BCKDHB: variants seen among roughly 807,000 people sequenced by gnomAD.
BCKDHB encodes 2-oxoisovalerate dehydrogenase subunit beta, mitochondrial.
In BCKDHB, 41 loss-of-function variants were observed where a neutral mutation model predicts 48.5. That is an observed-to-expected ratio of 0.85 (90% confidence interval 0.66 to 1.10). The LOEUF is 1.10. BCKDHB is among the 50% of genes least tolerant of loss of function. The probability of loss-of-function intolerance (pLI) is 0.00; values close to 1 mark genes in which losing one functional copy is unlikely to be tolerated. For missense variants in BCKDHB, 496 were observed against 494.2 expected (o/e 1.00, Z -0.03); for synonymous variants, 201 against 174.8 (o/e 1.15, Z -1.18).
intron 8 of BCKDHB, among the ~76,000 whole-genome samples, chr6:80,205,951 C>T (rs1774637145): frequency 6.6e-6 from 1 of 151,832 alleles, no homozygotes; most frequent in Non-Finnish European, 1.5e-5. Context: ...TATTTGGTCT[C>T]AACCAGGTGT....
At chr6:80,428,459 A>T in the BCKDHB span, among the ~76,000 whole-genome samples, 2 of 152,102 alleles carry the variant, frequency 1.3e-5, no homozygotes, top group African/African-American at 4.8e-5. Context: ...TGTCTTCCAC[A>T]ATGGTTGAAC....
intron 3 of BCKDHB, among the ~76,000 whole-genome samples, chr6:80,139,478 G>A (rs1427221759): frequency 1.1e-4 from 17 of 151,380 alleles, no homozygotes; most frequent in Non-Finnish European, 2.4e-4. Context: ...ATTGATTTTT[G>A]TATAAGGTGT....
At chr6:80,176,037 T>C (rs1017319829) in intron 6 of BCKDHB, among the ~76,000 whole-genome samples, 2 of 152,180 alleles carry the variant, frequency 1.3e-5, no homozygotes, top group African/African-American at 4.8e-5. Context: ...AAACGTTGGC[T>C]GCTAGGAGAC....
At chr6:80,211,415 G>C (rs114599420) in intron 8 of BCKDHB, among the ~76,000 whole-genome samples, 1 of 152,134 alleles carries the variant, frequency 6.6e-6, no homozygotes, top group African/African-American at 2.4e-5. Context: ...GCTTGATCCT[G>C]CTGCAGACTA....
rs1254296089 is a variant in BCKDHB, at chr6:80,209,262, A to G, written c.951+6050A>G. On this transcript the variant is annotated intron_variant, in intron 8 of 9. Transcript: ENST00000320393. ...CTCTTGATATTAGGACTGTCTAGGG[A>G]AAAATTTCGTGATACGTATGTCAGA... 2.0e-5 allele frequency among the ~76,000 whole-genome samples: 3 copies of G among 151,906 alleles called. No individual in the cohort carries two copies. In the East Asian group the frequency reaches 5.8e-4, roughly 29 times the overall value.
chr6:80,184,707 G>A (rs769918408), intron 6 of BCKDHB, among the ~76,000 whole-genome samples: 17 of 151,996 alleles, frequency 1.1e-4, no homozygotes, highest in Admixed American at 3.3e-4. Context: ...TTAGTTTTGC[G>A]GCATACAAAA....
chr6:80,419,637 C>T, the BCKDHB span, among the ~76,000 whole-genome samples: 3 of 152,162 alleles, frequency 2.0e-5, no homozygotes, highest in African/African-American at 7.2e-5. Flanking sequence ...GCAGCCTCAA[C>T]CACCCCATCA....
chr6:80,278,258 A>G (rs578053327), intron 9 of BCKDHB, among the ~76,000 whole-genome samples: 24 of 152,306 alleles, frequency 1.6e-4, no homozygotes, highest in Non-Finnish European at 2.8e-4. Context: ...CTTCTGTACT[A>G]AAAGATGGAG....
intron 8 of BCKDHB, among the ~76,000 whole-genome samples, chr6:80,209,360 A>G (rs948900517): frequency 2.6e-5 from 4 of 151,954 alleles, no homozygotes; most frequent in Non-Finnish European, 4.4e-5. Flanking sequence ...ATAGCATGTT[A>G]GTGGATTGTA....
At chr6:80,243,892 C>G (rs1435429601) in intron 8 of BCKDHB, among the ~76,000 whole-genome samples, 10 of 152,028 alleles carry the variant, frequency 6.6e-5, no homozygotes, top group Admixed American at 6.6e-4. Flanking sequence ...AAGTGTAGAG[C>G]TTAGAATTGT....
intron 3 of BCKDHB, among the ~76,000 whole-genome samples, chr6:80,138,090 A>C (rs1770984132): frequency 6.6e-6 from 1 of 151,982 alleles, no homozygotes; most frequent in Non-Finnish European, 1.5e-5. Flanking sequence ...TCTAAAAAAA[A>C]TAGTGCAGCA....
At chr6:80,370,373 T>C in the BCKDHB span, among the ~76,000 whole-genome samples, 45 of 152,302 alleles carry the variant, frequency 3.0e-4, no homozygotes, top group East Asian at 8.1e-3. Flanking sequence ...TATTGGTAGA[T>C]GCTGCATGCT....
At chr6:80,109,002 A>C (rs1172035458) in intron 1 of BCKDHB, among the ~76,000 whole-genome samples, 3 of 152,244 alleles carry the variant, frequency 2.0e-5, no homozygotes, top group African/African-American at 7.2e-5. Flanking sequence ...CAACTTATTT[A>C]GTCGGAAGAA....
chr6:80,430,206 G>C, the BCKDHB span, among the ~76,000 whole-genome samples: 1 of 152,158 alleles, frequency 6.6e-6, no homozygotes, highest in East Asian at 1.9e-4. Flanking sequence ...TGCGTCCCAG[G>C]TATGAAGCTG....
the BCKDHB span, among the ~76,000 whole-genome samples, chr6:80,419,314 A>G: frequency 6.6e-6 from 1 of 152,118 alleles, no homozygotes; most frequent in African/African-American, 2.4e-5. Context: ...GTCAAGCATA[A>G]TTCACCAGCA....
chr6:80,232,466 C>CT (rs1421474821), intron 8 of BCKDHB, among the ~76,000 whole-genome samples: 2 of 151,500 alleles, frequency 1.3e-5, no homozygotes, highest in Non-Finnish European at 2.9e-5. Context: ...AACATCTCAT[C>CT]TTTTTTCAGA....
intron 6 of BCKDHB, among the ~76,000 whole-genome samples, chr6:80,183,859 G>A (rs1773522871): frequency 2.0e-5 from 3 of 152,026 alleles, no homozygotes; most frequent in Admixed American, 6.6e-5. Flanking sequence ...TTTTCAGATT[G>A]GCTTCCTTCA....
At chr6:80,230,630 A>G (rs1314736717) in intron 8 of BCKDHB, among the ~76,000 whole-genome samples, 1 of 152,168 alleles carries the variant, frequency 6.6e-6, no homozygotes, top group African/African-American at 2.4e-5. Flanking sequence ...GTGTTGCTGT[A>G]GCAGAATGCC....
chr6:80,375,115 A>T, the BCKDHB span, among the ~76,000 whole-genome samples: 8 of 152,220 alleles, frequency 5.3e-5, no homozygotes, highest in Non-Finnish European at 1.0e-4. Context: ...AGGTAACCTG[A>T]TGACTATGTG....
Sources: allele counts gnomAD v4.1 joint callset (sites outside exome capture counted in the v4.1 genomes callset), GRCh38; gene constraint gnomAD v4.1.1; transcripts MANE v1.5; gene names NCBI Gene and HGNC (gene_info 2026-07-23, HGNC 2026-07-21).